Variants in EYS observed in about 807,000 individuals in gnomAD.
EYS encodes the protein protein eyes shut homolog.
A neutral mutation model predicts 282.1 loss-of-function variants in EYS; 250 were observed. The ratio of observed to expected loss-of-function variants is 0.89; its 90% CI spans 0.80 to 0.98. EYS has a LOEUF of 0.98. Among genes scored for constraint, EYS ranks in the 50% least tolerant of loss-of-function variants. The probability of loss-of-function intolerance (pLI) is 0.00; values close to 1 mark genes in which losing one functional copy is unlikely to be tolerated. For synonymous variants in EYS, 1,355 were observed against 1,282.9 expected (o/e 1.06, Z -1.20); for missense variants, 4,016 against 3,709.0 (o/e 1.08, Z -2.15).
At chr6:64,161,511 T>A (rs1357283672) in intron 31 of EYS, among the ~76,000 whole-genome samples, 1 of 152,226 alleles carries the variant, frequency 6.6e-6, no homozygotes, top group African/African-American at 2.4e-5. Context: ...CAACACATGA[T>A]TATTTCTTGT....
chr6:64,532,097 T>C (rs1309250951), intron 26 of EYS, among the ~76,000 whole-genome samples: 1 of 152,188 alleles, frequency 6.6e-6, no homozygotes, highest in Non-Finnish European at 1.5e-5. Context: ...CAAATATCTC[T>C]TGAGGTTCAG....
At chr6:65,021,238 C>T (rs777903212) in intron 13 of EYS, among the ~76,000 whole-genome samples, 5 of 152,184 alleles carry the variant, frequency 3.3e-5, no homozygotes, top group South Asian at 4.1e-4. Context: ...TTTTATGCTC[C>T]GCTTCCTTTT....
chr6:65,591,849 T>A (rs1281445626), intron 2 of EYS, among the ~76,000 whole-genome samples: 2 of 152,008 alleles, frequency 1.3e-5, no homozygotes, highest in Non-Finnish European at 2.9e-5. Flanking sequence ...AATTAAATTA[T>A]TTTTTATATT....
rs2150313684 is a variant in EYS, at chr6:65,335,057, A to G, written c.1689T>C (p.Tyr563=). 1.2e-6 allele frequency: 2 copies of G among 1,612,156 alleles called. No homozygotes were observed. Among genetic ancestry groups the G allele is most frequent in the Non-Finnish European group, 1.7e-6 (2 of 1,178,864 alleles). The change falls in exon 11 of 43, where the codon TAT becomes TAC. Residue 563 remains tyrosine, a synonymous_variant. Coordinates refer to ENST00000503581, the MANE Select transcript of EYS (RefSeq NM_001142800.2). ...CTTGATCATCAGTTGTATTTTCCAG[A>G]TACATGTTGCCAGCCCATCTGAGAA... ...LCFLRWAGNM[Y]LENTTDDQEN...
At chr6:64,397,606 G>T (rs1293735348) in intron 28 of EYS, among the ~76,000 whole-genome samples, 1 of 151,802 alleles carries the variant, frequency 6.6e-6, no homozygotes, top group African/African-American at 2.4e-5. Context: ...TATTGGTTTT[G>T]GAACTCCCAC....
At chr6:64,805,004 T>G (rs1449013443) in intron 22 of EYS, among the ~76,000 whole-genome samples, 1 of 152,048 alleles carries the variant, frequency 6.6e-6, no homozygotes, top group Admixed American at 6.5e-5. Flanking sequence ...ATAGTAGTTT[T>G]CCAAAAAATA....
At chr6:65,361,450 CT>C (rs1297753161) in intron 8 of EYS, among the ~76,000 whole-genome samples, 41 of 149,272 alleles carry the variant, frequency 2.7e-4, no homozygotes, top group Admixed American at 1.3e-4. Context: ...ATTTCTTTCT[CT>C]TTTTTTTTCT....
chr6:64,345,213 A>G (rs1582631271), intron 29 of EYS, among the ~76,000 whole-genome samples: 1 of 152,154 alleles, frequency 6.6e-6, no homozygotes, highest in Non-Finnish European at 1.5e-5. Context: ...TAAAGTTCAT[A>G]TGGAACCAAA....
chr6:64,414,841 C>T (rs572874470), intron 28 of EYS, among the ~76,000 whole-genome samples: 1 of 151,882 alleles, frequency 6.6e-6, no homozygotes, highest in Non-Finnish European at 1.5e-5. Context: ...TTCTTCATAA[C>T]AAAAAGTCAG....
At chr6:63,774,822 T>C (rs1450453320) in intron 40 of EYS, among the ~76,000 whole-genome samples, 2 of 151,270 alleles carry the variant, frequency 1.3e-5, no homozygotes, top group East Asian at 1.9e-4. Context: ...TTGGCAAAAA[T>C]GTAAAATATC....
chr6:64,072,209 A>G lies in EYS; in HGVS notation c.6572-5718T>C, dbSNP rs147165698. ...AATAACAAAAGGCATATGGTTGAAA[A>G]TCACTCATTTGAGATCCTTCTAAAT... On this transcript the variant is annotated intron_variant, in intron 32 of 42. Coordinates refer to ENST00000503581, the MANE Select transcript of EYS (RefSeq NM_001142800.2). Among the ~76,000 whole-genome samples the G allele has an allele frequency of 4.9e-3, 744 of 152,116 alleles. 7 individuals are homozygous for G. Among genetic ancestry groups the G allele is most frequent in the African/African-American group, 0.017 (713 of 41,526 alleles).
chr6:65,197,499 C>T (rs948111260), intron 12 of EYS, among the ~76,000 whole-genome samples: 17 of 152,042 alleles, frequency 1.1e-4, no homozygotes, highest in African/African-American at 2.9e-4. Context: ...CAATATTATG[C>T]GAACTGGAGA....
At chr6:64,086,283 CT>C in intron 31 of EYS, among the ~76,000 whole-genome samples, 1 of 152,308 alleles carries the variant, frequency 6.6e-6, no homozygotes, top group South Asian at 2.1e-4. Flanking sequence ...TACCACAACC[CT>C]TTAAGTTCTC....
At chr6:65,395,904 A>G (rs1766262345) in intron 7 of EYS, among the ~76,000 whole-genome samples, 1 of 152,074 alleles carries the variant, frequency 6.6e-6, no homozygotes, top group African/African-American at 2.4e-5. Flanking sequence ...TGTTTCTATG[A>G]CTTTGACTTT....
intron 8 of EYS, among the ~76,000 whole-genome samples, chr6:65,372,580 T>C (rs1420707189): frequency 6.6e-6 from 1 of 152,058 alleles, no homozygotes; most frequent in Non-Finnish European, 1.5e-5. Context: ...TCTTAATCTC[T>C]TCAATAGTTT....
intron 5 of EYS, among the ~76,000 whole-genome samples, chr6:65,444,422 A>T (rs1191681755): frequency 1.3e-5 from 2 of 152,054 alleles, no homozygotes; most frequent in East Asian, 3.9e-4. Context: ...ATATAAAAAG[A>T]ACATAAACAA....
chr6:65,330,359 C>T, intron 11 of EYS: 1 of 984,318 alleles, frequency 1.0e-6, no homozygotes, highest in Non-Finnish European at 1.2e-6. Flanking sequence ...TTTGAGGCTT[C>T]AAAAACAGGT....
At chr6:64,660,770 C>A (rs573268384) in intron 22 of EYS, among the ~76,000 whole-genome samples, 175 of 152,324 alleles carry the variant, frequency 1.1e-3, no homozygotes, top group African/African-American at 4.1e-3. Context: ...ATTCCACGCT[C>A]ATGGGTAAGA....
intron 31 of EYS, among the ~76,000 whole-genome samples, chr6:64,185,785 T>A (rs1460558541): frequency 6.6e-6 from 1 of 152,194 alleles, no homozygotes; most frequent in Admixed American, 6.6e-5. Context: ...ATTGTCATCA[T>A]CTTTGTCCAA....
Sources: allele counts gnomAD v4.1 joint callset (sites outside exome capture counted in the v4.1 genomes callset), GRCh38; gene constraint gnomAD v4.1.1; transcripts MANE v1.5; gene names NCBI Gene and HGNC (gene_info 2026-07-23, HGNC 2026-07-21).